The following UBE2QL1 variants were observed in gnomAD, a reference collection of about 807,000 sequenced individuals.
UBE2QL1 encodes the protein ubiquitin-conjugating enzyme E2Q-like protein 1.
UBE2QL1 carries 5 observed loss-of-function variants against 12.6 expected under a neutral mutation model. The ratio of observed to expected loss-of-function variants is 0.40; its 90% confidence interval spans 0.21 to 0.83. UBE2QL1 has a LOEUF of 0.83. Ranked by LOEUF, UBE2QL1 falls within the 40% of genes least tolerant of loss-of-function variation. The pLI, the probability that UBE2QL1 is intolerant of heterozygous loss-of-function variation, is 0.37. For synonymous variants in UBE2QL1, 96 were observed against 94.5 expected, an observed-to-expected ratio of 1.02 and a Z score of -0.10; for missense variants, 99 against 222.6, an observed-to-expected ratio of 0.44 and a Z score of 3.53.
At chr5:6,489,512 A>C (rs1048690429) in intron 1 of UBE2QL1, among the ~76,000 whole-genome samples, 2 of 152,200 alleles carry the variant, frequency 1.3e-5, no homozygotes, top group Non-Finnish European at 2.9e-5. Flanking sequence ...AACCAGAGGG[A>C]TATCCAGAGC....
At chr5:6,462,451 T>G (rs1010307878) in intron 1 of UBE2QL1, among the ~76,000 whole-genome samples, 3 of 152,180 alleles carry the variant, frequency 2.0e-5, no homozygotes, top group African/African-American at 7.2e-5. Context: ...TCCTGTGTTC[T>G]CATGCTCCCG....
chr5:6,453,170 G>T (rs1057368633), intron 1 of UBE2QL1, among the ~76,000 whole-genome samples: 2 of 152,168 alleles, frequency 1.3e-5, no homozygotes, highest in Non-Finnish European at 2.9e-5. Flanking sequence ...GAATCTCCCT[G>T]GTTCTGCTCT....
Position 6,484,063 on chromosome 5 carries a change from AT to A in UBE2QL1, c.355-7149del, listed in dbSNP as rs558460516. On this transcript the variant is annotated intron_variant, in intron 1 of 1. Transcript: ENST00000399816. Reference sequence around the variant, plus strand: ...GTACTTTCCAGAAACCATTCAACACATTTTTTAGCTACCAGATCTGGGAACT... The same window carrying A: ...GTACTTTCCAGAAACCATTCAACACATTTTTAGCTACCAGATCTGGGAACT... Among the ~76,000 whole-genome samples, 189 of 152,276 alleles carry A rather than the reference AT, an allele frequency of 1.2e-3. 1 individual carries two copies. The highest frequency in any genetic ancestry group is 4.4e-3 in the African/African-American group (181 of 41,566).
chr5:6,455,249 C>T (rs955541973), intron 1 of UBE2QL1, among the ~76,000 whole-genome samples: 3 of 152,170 alleles, frequency 2.0e-5, no homozygotes, highest in African/African-American at 7.2e-5. Flanking sequence ...GCCTGACACC[C>T]ACAACCTGGT....
chr5:6,474,441 C>T (rs1369667792), intron 1 of UBE2QL1, among the ~76,000 whole-genome samples: 2 of 152,200 alleles, frequency 1.3e-5, no homozygotes, highest in Admixed American at 6.5e-5. Flanking sequence ...ACTCCAGTGC[C>T]GGGATGAGGC....
At chr5:6,451,926 A>G (rs1261414965) in intron 1 of UBE2QL1, among the ~76,000 whole-genome samples, 3 of 152,238 alleles carry the variant, frequency 2.0e-5, no homozygotes, top group Non-Finnish European at 4.4e-5. Flanking sequence ...TTAGGTATTC[A>G]AGGAGAACTG....
chr5:6,453,126 G>C (rs1346264851), intron 1 of UBE2QL1, among the ~76,000 whole-genome samples: 1 of 152,208 alleles, frequency 6.6e-6, no homozygotes, highest in Non-Finnish European at 1.5e-5. Context: ...CAAACTCTGG[G>C]CCAGCAGAGA....
chr5:6,490,445 C>T (rs970242986), intron 1 of UBE2QL1, among the ~76,000 whole-genome samples: 3 of 152,246 alleles, frequency 2.0e-5, no homozygotes, highest in Non-Finnish European at 4.4e-5. Flanking sequence ...GAGACAAGTG[C>T]TCTGTCCTTG....
At chr5:6,486,799 C>T (rs1165480833) in intron 1 of UBE2QL1, among the ~76,000 whole-genome samples, 2 of 152,118 alleles carry the variant, frequency 1.3e-5, no homozygotes, top group African/African-American at 2.4e-5. Flanking sequence ...CCTGTGGGGA[C>T]GTTTAACAAT....
chr5:6,481,736 C>T lies in UBE2QL1; in HGVS notation c.355-9482C>T, dbSNP rs959364187. On this transcript the variant is annotated intron_variant, in intron 1 of 1. Coordinates refer to ENST00000399816, the MANE Select transcript of UBE2QL1 (RefSeq NM_001145161.3). This position sits in a 1 kb window ranked among gnomAD's most constrained non-coding sequence, Gnocchi z 4.5. ...CACTGAGTGGCCTCTGCCAGGCCCT[C>T]GCCATCTTCTCTGGACCATGACAAT... is the stretch of plus-strand genomic sequence containing the variant. Among the ~76,000 whole-genome samples, 21 of 152,168 alleles carry T rather than the reference C, an allele frequency of 1.4e-4. No individual in the cohort carries two copies. The highest frequency in any genetic ancestry group is 3.9e-4 in the Admixed American group (6 of 15,280).
At chr5:6,453,876 G>A (rs767192713) in intron 1 of UBE2QL1, among the ~76,000 whole-genome samples, 5 of 152,078 alleles carry the variant, frequency 3.3e-5, no homozygotes, top group African/African-American at 7.2e-5. Context: ...GCTTCTAACC[G>A]GCTATAACAC....
chr5:6,469,978 C>T lies in UBE2QL1; in HGVS notation c.354+20731C>T, dbSNP rs141346020. On this transcript the variant is annotated intron_variant, in intron 1 of 1. Transcript: ENST00000399816. ...GAGGACATTCGGTGATGGTGCCGGG[C>T]GGGACCCTGCAATGGTCTGTGGCGA... is the stretch of plus-strand genomic sequence containing the variant. Among the ~76,000 whole-genome samples the T allele has an allele frequency of 2.6e-3, 397 of 152,244 alleles. 1 individual carries two copies. The highest frequency in any genetic ancestry group is 8.7e-3 in the African/African-American group (361 of 41,560).
chr5:6,461,536 A>ACCCCCCCCCCCCCCCCCCCCC (rs1489545549), intron 1 of UBE2QL1, among the ~76,000 whole-genome samples: 1 of 36,224 alleles, frequency 2.8e-5, no homozygotes, highest in Non-Finnish European at 5.7e-5. Context: ...GTTTTTCAGC[A>ACCCCCCCCCCCCCCCCCCCCC]CCCACCACCC....
In UBE2QL1 at chr5:6,466,597, C is replaced by T. The variant is rs563150180; in HGVS notation, c.354+17350C>T. Among the ~76,000 whole-genome samples the T allele has an allele frequency of 3.9e-5, 6 of 152,354 alleles. No individual in the cohort carries two copies. In the South Asian group the frequency reaches 1.2e-3, roughly 32 times the overall value. On this transcript the variant is annotated intron_variant, in intron 1 of 1. Transcript: ENST00000399816. ...CGGAGAATGAGGTTGAGTTGATGTC[C>T]TTCAGGCACTGCTAGATCATGAACC...
intron 1 of UBE2QL1, among the ~76,000 whole-genome samples, chr5:6,453,385 A>G (rs1007918147): frequency 7.2e-5 from 11 of 152,214 alleles, no homozygotes; most frequent in Admixed American, 5.9e-4. Flanking sequence ...AACTGTGACC[A>G]TTGTGATAAT....
At position 6,494,477 on chromosome 5, in the gene UBE2QL1, A is replaced by C. The variant is rs1203440672; in HGVS notation, c.*3128A>C. 2.0e-5 allele frequency: 3 copies of C among 152,214 alleles called. No individual in the cohort carries two copies. Among genetic ancestry groups the C allele is most frequent in the African/African-American group, 7.2e-5 (3 of 41,462 alleles). The allele number at this position is 152,214 out of a possible 1,614,324, so 9.4% of individuals were successfully genotyped here. A position where few individuals can be genotyped will look rare whatever the true frequency, so the allele number is the denominator to read the frequency against. ...AGTGAAAAAGACCTAGGATTGAAAG[A>C]CAAAAAGCCATGTGTCCATGTAACC... On this transcript the variant is annotated 3_prime_UTR_variant, in exon 2 of 2. Coordinates refer to ENST00000399816, the MANE Select transcript of UBE2QL1 (RefSeq NM_001145161.3).
chr5:6,483,673 T>C (rs1342614637), intron 1 of UBE2QL1, among the ~76,000 whole-genome samples: 1 of 152,180 alleles, frequency 6.6e-6, no homozygotes, highest in South Asian at 2.1e-4. Flanking sequence ...GTAATAAGAA[T>C]GGGTTTCCCA....
intron 1 of UBE2QL1, among the ~76,000 whole-genome samples, chr5:6,462,313 G>A (rs187472862): frequency 6.6e-6 from 1 of 152,350 alleles, no homozygotes; most frequent in Admixed American, 6.5e-5. Flanking sequence ...CCACCATTGA[G>A]GGTAAGGGCA....
chr5:6,453,596 C>T (rs1000295984), intron 1 of UBE2QL1, among the ~76,000 whole-genome samples: 11 of 152,192 alleles, frequency 7.2e-5, no homozygotes, highest in African/African-American at 2.7e-4. Context: ...CAGTAAAGGG[C>T]TCTGCAGCTC....
Sources: gnomAD v4.1 joint callset for allele counts (sites outside exome capture counted in the v4.1 genomes callset) on GRCh38, gnomAD v4.1.1 for gene constraint, Gnocchi (gnomAD v3.1) non-coding constraint, MANE v1.5 for transcripts, NCBI Gene and HGNC (gene_info 2026-07-23, HGNC 2026-07-21) for gene names.